The following GRIA2 variants were observed in gnomAD, a reference collection of about 807,000 sequenced individuals.
GRIA2 encodes the protein glutamate ionotropic receptor AMPA type subunit 2.
In GRIA2, 14 loss-of-function variants were observed where a neutral mutation model predicts 97.3. The observed-to-expected ratio is 0.14, with a 90% CI of 0.10 to 0.23. GRIA2 has a LOEUF of 0.23. Among genes scored for constraint, GRIA2 ranks in the 10% least tolerant of loss-of-function variants. The pLI, the probability that GRIA2 is intolerant of heterozygous loss-of-function variation, is 1.00. For missense variants in GRIA2, 558 were observed against 1,069.8 expected (o/e 0.52, Z 6.67); for synonymous variants, 412 against 387.8 (o/e 1.06, Z -0.73).
intron 2 of GRIA2, among the ~76,000 whole-genome samples, chr4:157,273,885 A>T (rs1732152727): frequency 1.3e-5 from 2 of 152,198 alleles, no homozygotes; most frequent in South Asian, 4.1e-4. Flanking sequence ...AACACCACAC[A>T]AAATAAATGC....
intron 2 of GRIA2, among the ~76,000 whole-genome samples, chr4:157,276,942 A>C (rs1302178003): frequency 1.3e-5 from 2 of 151,986 alleles, no homozygotes; most frequent in African/African-American, 2.4e-5. Context: ...AAAAGAAAGC[A>C]CCAGGCCCAG....
At chr4:157,241,674 C>T (rs549641725) in intron 2 of GRIA2, among the ~76,000 whole-genome samples, 1 of 152,032 alleles carries the variant, frequency 6.6e-6, no homozygotes, top group African/African-American at 2.4e-5. Context: ...CTGTGTAGAA[C>T]ATCTATCCAC....
intron 2 of GRIA2, among the ~76,000 whole-genome samples, chr4:157,277,007 A>C (rs1033054781): frequency 1.3e-5 from 2 of 151,956 alleles, no homozygotes; most frequent in African/African-American, 2.4e-5. Context: ...CCAATTTACA[A>C]TAGAAGCCAA....
At chr4:157,281,466 C>T (rs1732591840) in intron 2 of GRIA2, among the ~76,000 whole-genome samples, 1 of 152,072 alleles carries the variant, frequency 6.6e-6, no homozygotes, top group Non-Finnish European at 1.5e-5. Flanking sequence ...GCAGATTTAA[C>T]TACCCTAAAA....
chr4:157,352,370 G>A (rs568688065), intron 12 of GRIA2, among the ~76,000 whole-genome samples: 1 of 152,068 alleles, frequency 6.6e-6, no homozygotes, highest in African/African-American at 2.4e-5. Context: ...AAAATTTTTA[G>A]ATTTTTAAGA....
intron 2 of GRIA2, among the ~76,000 whole-genome samples, chr4:157,300,196 A>T (rs1733553652): frequency 6.6e-6 from 1 of 152,044 alleles, no homozygotes; most frequent in African/African-American, 2.4e-5. Context: ...GAAAATGAAT[A>T]ATTTCCCTTC....
At chr4:157,286,977 TA>T (rs939469902) in intron 2 of GRIA2, among the ~76,000 whole-genome samples, 17 of 151,630 alleles carry the variant, frequency 1.1e-4, no homozygotes, top group African/African-American at 3.4e-4. Context: ...AAATTTAAAA[TA>T]TTTTTTTGAT....
At chr4:157,360,764 G>A in intron 13 of GRIA2, 1 of 561,844 alleles carries the variant, frequency 1.8e-6, no homozygotes, top group Non-Finnish European at 3.4e-6. Flanking sequence ...GTACATTGCT[G>A]TAGAATATAG....
chr4:157,264,965 G>C (rs1052512072), intron 2 of GRIA2, among the ~76,000 whole-genome samples: 4 of 152,012 alleles, frequency 2.6e-5, no homozygotes, highest in Non-Finnish European at 2.9e-5. Context: ...ATTAAACTGA[G>C]ACACAGAGAG....
intron 2 of GRIA2, among the ~76,000 whole-genome samples, chr4:157,268,645 T>G (rs1478803698): frequency 1.3e-5 from 2 of 152,012 alleles, no homozygotes; most frequent in South Asian, 4.1e-4. Flanking sequence ...GGTAGTATAC[T>G]CCAAAAAATT....
chr4:157,271,957 G>A (rs192097868), intron 2 of GRIA2, among the ~76,000 whole-genome samples: 1 of 152,008 alleles, frequency 6.6e-6, no homozygotes, highest in East Asian at 1.9e-4. Context: ...TTTTAGAACT[G>A]GAAAAAAGGA....
chr4:157,317,522 A>C (rs1734376569), intron 4 of GRIA2, 136 bp from the exon 5 acceptor site: 1 of 413,498 alleles, frequency 2.4e-6, no homozygotes, highest in South Asian at 6.8e-5. Context: ...ATTTTATCAA[A>C]AATGACTTAT....
At chr4:157,344,031 C>T (rs1338925008) in intron 12 of GRIA2, among the ~76,000 whole-genome samples, 1 of 151,964 alleles carries the variant, frequency 6.6e-6, no homozygotes, top group Non-Finnish European at 1.5e-5. Flanking sequence ...AGTATCATAC[C>T]TTTCACACAG....
chr4:157,336,148 A>T (rs1451489407), intron 10 of GRIA2, among the ~76,000 whole-genome samples: 8 of 152,002 alleles, frequency 5.3e-5, no homozygotes, highest in Non-Finnish European at 8.8e-5. Context: ...TGCAGTGCAG[A>T]TGTGTAATGA....
At chr4:157,302,018 T>C (rs1212827178) in intron 2 of GRIA2, among the ~76,000 whole-genome samples, 2 of 151,574 alleles carry the variant, frequency 1.3e-5, no homozygotes, top group South Asian at 2.1e-4. Context: ...ACTAAAAATA[T>C]GAAAGTTATC....
intron 6 of GRIA2, among the ~76,000 whole-genome samples, chr4:157,328,754 A>G (rs1159583726): frequency 6.6e-6 from 1 of 152,058 alleles, no homozygotes; most frequent in African/African-American, 2.4e-5. Flanking sequence ...TTCAGTAAAG[A>G]TTAATAGCCA....
At chr4:157,360,303 T>C (rs955640492) in intron 13 of GRIA2, among the ~76,000 whole-genome samples, 160 bp downstream of exon 13, 1 of 152,190 alleles carries the variant, frequency 6.6e-6, no homozygotes, top group Non-Finnish European at 1.5e-5. Context: ...AACATTTAGA[T>C]ACTGTTTTAT....
At chr4:157,235,443 A>G (rs1429420352) in intron 2 of GRIA2, among the ~76,000 whole-genome samples, 1 of 152,052 alleles carries the variant, frequency 6.6e-6, no homozygotes, top group Non-Finnish European at 1.5e-5. Context: ...GGTAATAGAC[A>G]TTATTTCTAG....
intron 12 of GRIA2, among the ~76,000 whole-genome samples, chr4:157,348,368 A>G (rs1196330781): frequency 1.3e-5 from 2 of 151,992 alleles, no homozygotes; most frequent in Admixed American, 1.3e-4. Context: ...CCTCCTGAGT[A>G]GCTGGGACCA....
Sources: allele counts gnomAD v4.1 joint callset (sites outside exome capture counted in the v4.1 genomes callset), GRCh38; gene constraint gnomAD v4.1.1; transcripts MANE v1.5; gene names NCBI Gene and HGNC (gene_info 2026-07-23, HGNC 2026-07-21).